Variants in PRKAG2 observed in about 807,000 individuals in gnomAD.
PRKAG2 encodes the protein 5'-AMP-activated protein kinase subunit gamma-2.
PRKAG2 carries 26 observed loss-of-function variants against 69.6 expected under a neutral mutation model. That is an observed-to-expected ratio of 0.37 (90% CI 0.27 to 0.52). The LOEUF is 0.52. Ranked by LOEUF, PRKAG2 falls within the 20% of genes least tolerant of loss-of-function variation. The pLI, the probability that PRKAG2 is intolerant of heterozygous loss-of-function variation, is 0.90. For synonymous variants in PRKAG2, 293 were observed against 285.0 expected, an observed-to-expected ratio of 1.03 and a Z score of -0.28; for missense variants, 557 against 740.0, an observed-to-expected ratio of 0.75 and a Z score of 2.87.
Position 151,876,783 on chromosome 7 carries a change from GGCCGCC to G in PRKAG2, c.-169_-164del. On this transcript the variant is annotated 5_prime_UTR_variant, in exon 1 of 16. Transcript: ENST00000287878. ...GGGAGGGTGAGCAGGGAACTCGCGC[GGCCGCC>G]GCCGCCGCCGAAGCGCCGAATTCAA... 1.4e-6 allele frequency: 1 copy of G among 715,926 alleles called. No homozygotes were observed. Among genetic ancestry groups the G allele is most frequent in the Non-Finnish European group, 2.4e-6 (1 of 417,714 alleles). The allele number at this position is 715,926 out of a possible 1,614,324, so 44.3% of individuals were successfully genotyped here. A position where few individuals can be genotyped will look rare whatever the true frequency, so the allele number is the denominator to read the frequency against.
At chr7:151,799,134 C>T (rs1364145333) in intron 1 of PRKAG2, among the ~76,000 whole-genome samples, 1 of 152,208 alleles carries the variant, frequency 6.6e-6, no homozygotes, top group Non-Finnish European at 1.5e-5. Flanking sequence ...ACTGGGCAGT[C>T]ACAGGGTGTT....
chr7:151,767,366 C>A (rs990086620), intron 3 of PRKAG2, among the ~76,000 whole-genome samples: 1 of 152,262 alleles, frequency 6.6e-6, no homozygotes, highest in Non-Finnish European at 1.5e-5. Flanking sequence ...TCTCAGCTTG[C>A]TGCAATCTCT....
chr7:151,773,036 A>AGG (rs2076124135), intron 3 of PRKAG2, among the ~76,000 whole-genome samples: 1 of 33,148 alleles, frequency 3.0e-5, no homozygotes, highest in African/African-American at 1.1e-4. Context: ...AGAGAGAGAG[A>AGG]GAGAGAGAGA....
intron 3 of PRKAG2, among the ~76,000 whole-genome samples, chr7:151,691,836 A>C (rs1206284139): frequency 6.6e-6 from 1 of 152,232 alleles, no homozygotes; most frequent in East Asian, 1.9e-4. Flanking sequence ...CCTTGTTCAC[A>C]CAAAATCCTG....
At position 151,814,505 on chromosome 7, in the gene PRKAG2, CGG is replaced by C; in HGVS notation, c.115-27966_115-27965del. The C allele has an allele frequency of 8.1e-7, 1 of 1,230,954 alleles. No homozygotes were observed. 76.3% of individuals were successfully genotyped at this position (1,230,954 alleles called of 1,614,324 possible). On this transcript the variant is annotated intron_variant, in intron 1 of 15. Coordinates refer to ENST00000287878, the MANE Select transcript of PRKAG2 (RefSeq NM_016203.4). The surrounding 1 kb of genome is among the most constrained non-coding windows in gnomAD (Gnocchi z 4.8). ...CTGCTGGATGGCAGGATGCGAGTGACGGGGACGGGCGGCACTCCCAGCTCTGA... is the reference window on the plus strand; with the variant it reads ...CTGCTGGATGGCAGGATGCGAGTGACGGACGGGCGGCACTCCCAGCTCTGA...
intron 1 of PRKAG2, among the ~76,000 whole-genome samples, chr7:151,865,834 A>T (rs2080056800): frequency 2.0e-5 from 3 of 152,240 alleles, no homozygotes; most frequent in Middle Eastern, 3.4e-3. Flanking sequence ...CCTGGCTAAC[A>T]CGGTGAAACC....
chr7:151,568,452 A>G (rs1806772793), intron 11 of PRKAG2, among the ~76,000 whole-genome samples: 1 of 152,204 alleles, frequency 6.6e-6, no homozygotes, highest in Non-Finnish European at 1.5e-5. Context: ...GCTGGTGACA[A>G]ATGTTTTAAT....
At chr7:151,690,092 G>T (rs1031911853) in intron 3 of PRKAG2, among the ~76,000 whole-genome samples, 1 of 152,178 alleles carries the variant, frequency 6.6e-6, no homozygotes, top group Non-Finnish European at 1.5e-5. Flanking sequence ...CAAACCTAGG[G>T]TTTACCTCTG....
intron 1 of PRKAG2, among the ~76,000 whole-genome samples, chr7:151,823,626 A>G (rs2078844321): frequency 1.3e-5 from 2 of 152,000 alleles, no homozygotes; most frequent in African/African-American, 4.8e-5. Context: ...TAAAATGTCA[A>G]ACTCCACATC....
chr7:151,562,923 C>A (rs941211101), intron 14 of PRKAG2, among the ~76,000 whole-genome samples: 1 of 150,070 alleles, frequency 6.7e-6, no homozygotes, highest in Admixed American at 6.7e-5. Context: ...CCACTGCACT[C>A]CAGCCTCGGC....
intron 3 of PRKAG2, among the ~76,000 whole-genome samples, chr7:151,682,599 C>T (rs1434337285): frequency 4.6e-5 from 7 of 152,160 alleles, no homozygotes; most frequent in Admixed American, 4.6e-4. Flanking sequence ...CTGAACTCAA[C>T]CTTGGGTCTG....
chr7:151,868,511 G>A (rs772846456), intron 1 of PRKAG2, among the ~76,000 whole-genome samples: 8 of 152,236 alleles, frequency 5.3e-5, no homozygotes, highest in Non-Finnish European at 1.0e-4. Flanking sequence ...CTGTTTCAAC[G>A]TCACAGCTCA....
Position 151,771,808 on chromosome 7 carries a change from C to T in PRKAG2, c.466+9344G>A, listed in dbSNP as rs1042400258. Among the ~76,000 whole-genome samples the T allele has an allele frequency of 2.6e-5, 4 of 152,152 alleles. No individual in the cohort carries two copies. Among genetic ancestry groups the T allele is most frequent in the African/African-American group, 9.7e-5 (4 of 41,422 alleles). On this transcript the variant is annotated intron_variant, in intron 3 of 15. Coordinates refer to ENST00000287878, the MANE Select transcript of PRKAG2 (RefSeq NM_016203.4). This position sits in a 1 kb window ranked among gnomAD's most constrained non-coding sequence, Gnocchi z 4.0. ...TCTTGATGTCATCAATGATAATTGC[C>T]TCTGTCCCTTCACAGTTTCTGGACC...
At chr7:151,801,896 G>T (rs1400044708) in intron 1 of PRKAG2, among the ~76,000 whole-genome samples, 1 of 152,196 alleles carries the variant, frequency 6.6e-6, no homozygotes, top group Admixed American at 6.5e-5. Context: ...TAGGAATGGG[G>T]TTAAAAGTCG....
chr7:151,571,073 A>ATT (rs549539764), intron 9 of PRKAG2, among the ~76,000 whole-genome samples: 2,886 of 135,002 alleles, frequency 0.021, 120 homozygotes, highest in African/African-American at 0.074. Flanking sequence ...GCCCAGCCTA[A>ATT]TTTTTTTTTT....
intron 3 of PRKAG2, chr7:151,736,381 G>T: frequency 1.1e-6 from 1 of 946,520 alleles, no homozygotes. Context: ...TACTCTCCAG[G>T]GCTTTTTTTT....
intron 1 of PRKAG2, among the ~76,000 whole-genome samples, chr7:151,853,761 A>C (rs1275297554): frequency 1.5e-4 from 2 of 13,570 alleles, no homozygotes. Context: ...CTCCGTCTCA[A>C]AAAAAAAAAA....
chr7:151,794,522 G>A (rs1469371330), intron 1 of PRKAG2, among the ~76,000 whole-genome samples: 2 of 152,252 alleles, frequency 1.3e-5, no homozygotes, highest in East Asian at 1.9e-4. Context: ...CATGGCGAGG[G>A]CCGCTGGCCG....
In PRKAG2 at chr7:151,813,186, C is replaced by T. The variant is rs371169613; in HGVS notation, c.115-26645G>A. 3.8e-4 allele frequency among the ~76,000 whole-genome samples: 58 copies of T among 152,274 alleles called. No homozygotes were observed. In the South Asian group the frequency reaches 4.6e-3, roughly 12 times the overall value. On this transcript the variant is annotated intron_variant, in intron 1 of 15. Transcript: ENST00000287878. ...TCACACCTAGCAGTCCCCGAATTCT[C>T]GATTTATGTTTTGGGGCCTCCTGCC...
Sources: gnomAD v4.1 joint callset for allele counts (sites outside exome capture counted in the v4.1 genomes callset) on GRCh38, gnomAD v4.1.1 for gene constraint, Gnocchi (gnomAD v3.1) non-coding constraint, MANE v1.5 for transcripts, NCBI Gene and HGNC (gene_info 2026-07-23, HGNC 2026-07-21) for gene names.